Variants in MGST1 observed in about 807,000 individuals in gnomAD.
MGST1 encodes glutathione S-transferase 12.
A neutral mutation model predicts 8.9 loss-of-function variants in MGST1; 5 were observed. The ratio of observed to expected loss-of-function variants is 0.56; its 90% confidence interval spans 0.29 to 1.19. MGST1 has a LOEUF of 1.19. Among genes scored for constraint, MGST1 ranks in the 50% most tolerant of loss-of-function variants. The pLI, the probability that MGST1 is intolerant of heterozygous loss-of-function variation, is 0.08. For missense variants in MGST1, 182 were observed against 187.4 expected (o/e 0.97, Z 0.17); for synonymous variants, 54 against 67.8 (o/e 0.80, Z 1.00).
At chr12:16,423,067 C>A (rs1053515603) in intron 1 of MGST1, among the ~76,000 whole-genome samples, 3 of 152,198 alleles carry the variant, frequency 2.0e-5, no homozygotes, top group Admixed American at 6.5e-5. Context: ...GACTGCTGAG[C>A]TCTTTAAGCC....
Position 16,503,805 on chromosome 12 carries a change from T to G in MGST1, n.483-85723T>G, listed in dbSNP as rs1171985514. ...GAAGTTACCACCCTTTTTCTAGATA[T>G]TTCTGTGTAATTTCCTCCTTAATTT... On this transcript the variant is annotated intron_variant and non_coding_transcript_variant, in intron 4 of 4. Transcript: ENST00000538857. This position sits in a 1 kb window ranked among gnomAD's most constrained non-coding sequence, Gnocchi z 4.8. 1.3e-5 allele frequency among the ~76,000 whole-genome samples: 2 copies of G among 152,172 alleles called. No individual in the cohort carries two copies. Among genetic ancestry groups the G allele is most frequent in the Non-Finnish European group, 2.9e-5 (2 of 68,034 alleles).
intron 1 of MGST1, among the ~76,000 whole-genome samples, chr12:16,395,887 C>T (rs1289551005): frequency 6.6e-6 from 1 of 150,794 alleles, no homozygotes; most frequent in Non-Finnish European, 1.5e-5. Context: ...TATTTTTGGA[C>T]TTGAGAATTG....
At chr12:16,471,707 A>G (rs1264775672) in intron 4 of MGST1, among the ~76,000 whole-genome samples, 1 of 152,176 alleles carries the variant, frequency 6.6e-6, no homozygotes, top group Non-Finnish European at 1.5e-5. Context: ...TTTATACTAA[A>G]TTTACTATTG....
Position 16,450,839 on chromosome 12 carries a change from C to CATGT in MGST1, n.482+67235_482+67236insATGT, listed in dbSNP as rs978891087. Among the ~76,000 whole-genome samples the CATGT allele has an allele frequency of 1.8e-3, 273 of 147,990 alleles. 1 individual carries two copies. The highest frequency in any genetic ancestry group is 6.6e-3 in the African/African-American group (267 of 40,250). On this transcript the variant is annotated intron_variant and non_coding_transcript_variant, in intron 4 of 4. Transcript: ENST00000538857. Reference sequence around the variant, plus strand: ...GGATGGTTTTCAAATATATATATTCCGTGTGTGTGTGTGTGTGTGTGTGTG... The same window carrying CATGT: ...GGATGGTTTTCAAATATATATATTCCATGTGTGTGTGTGTGTGTGTGTGTGTGTG...
chr12:16,591,755 G>T (rs1294908075), downstream of MGST1, among the ~76,000 whole-genome samples: 1 of 152,052 alleles, frequency 6.6e-6, no homozygotes, highest in Non-Finnish European at 1.5e-5. The surrounding 1 kb of genome is among the most constrained non-coding windows in gnomAD (Gnocchi z 4.1). Flanking sequence ...TACAAGCTAA[G>T]TCTGTCTTGC....
At chr12:16,390,200 A>C (rs573232078) in intron 1 of MGST1, among the ~76,000 whole-genome samples, 1 of 147,710 alleles carries the variant, frequency 6.8e-6, no homozygotes, top group African/African-American at 2.5e-5. Context: ...ACCTCAGGGG[A>C]AAAAAAAAAA....
At chr12:16,376,252 C>A in exon 4 of MGST1, 2 of 613,836 alleles carry the variant, frequency 3.3e-6, no homozygotes, top group Non-Finnish European at 5.7e-6. Flanking sequence ...AAAAATTTAT[C>A]TTTTCAACAT....
At chr12:16,538,397 TC>T (rs1231818782) in intron 4 of MGST1, among the ~76,000 whole-genome samples, 1 of 152,132 alleles carries the variant, frequency 6.6e-6, no homozygotes, top group Non-Finnish European at 1.5e-5. Context: ...TCCAACTTCT[TC>T]CTGTTACCCA....
chr12:16,388,306 A>AT (rs148956697), intron 1 of MGST1, among the ~76,000 whole-genome samples: 4,737 of 152,196 alleles, frequency 0.031, 249 homozygotes, highest in African/African-American at 0.11. Flanking sequence ...TGTATAGGGC[A>AT]TTTATCACAA....
rs1348016512 is a variant in MGST1, at chr12:16,498,000, T to A, written n.483-91528T>A. 6.6e-6 allele frequency among the ~76,000 whole-genome samples: 1 copy of A among 152,132 alleles called. No individual in the cohort carries two copies. Among genetic ancestry groups the A allele is most frequent in the Non-Finnish European group, 1.5e-5 (1 of 68,008 alleles). ...ATAATATACATCTGCGAATGTCACA[T>A]TCCTTAAAGCAAAGTCATCACATAA... is the stretch of plus-strand genomic sequence containing the variant. On this transcript the variant is annotated intron_variant and non_coding_transcript_variant, in intron 4 of 4. Coordinates refer to the MGST1 transcript ENST00000538857. The surrounding 1 kb of genome is among the most constrained non-coding windows in gnomAD (Gnocchi z 4.4).
chr12:16,414,865 A>G (rs1254229619), intron 1 of MGST1, among the ~76,000 whole-genome samples: 1 of 152,128 alleles, frequency 6.6e-6, no homozygotes, highest in Non-Finnish European at 1.5e-5. Context: ...TCTACTAAAA[A>G]TACAAAAAAT....
At chr12:16,522,883 G>A (rs974473539) in intron 4 of MGST1, among the ~76,000 whole-genome samples, 5 of 151,990 alleles carry the variant, frequency 3.3e-5, no homozygotes, top group Admixed American at 6.6e-5. Flanking sequence ...TAATCAAGCT[G>A]TATCTCAAGA....
At chr12:16,499,311 C>T (rs1941489955) in intron 4 of MGST1, among the ~76,000 whole-genome samples, 1 of 152,168 alleles carries the variant, frequency 6.6e-6, no homozygotes, top group African/African-American at 2.4e-5. Flanking sequence ...CTTTCCTTAT[C>T]GTTTTCTCTA....
intron 1 of MGST1, among the ~76,000 whole-genome samples, chr12:16,398,063 G>GT (rs535355240): frequency 2.7e-5 from 4 of 146,790 alleles, no homozygotes; most frequent in South Asian, 2.2e-4. Flanking sequence ...TTCTTATAGA[G>GT]TTTTTTTTCC....
chr12:16,458,220 T>G lies in MGST1; in HGVS notation n.482+74616T>G, dbSNP rs1212070191. On this transcript the variant is annotated intron_variant and non_coding_transcript_variant, in intron 4 of 4. Transcript: ENST00000538857. This position sits in a 1 kb window ranked among gnomAD's most constrained non-coding sequence, Gnocchi z 4.0. The stretch of plus-strand genomic sequence containing the variant: ...GATCTTTAATTGTTCATCACCTGCC[T>G]CCAAAATAATATGAATGGACCCAAA... Among the ~76,000 whole-genome samples the G allele has an allele frequency of 6.6e-6, 1 of 151,960 alleles. No individual in the cohort carries two copies. The highest frequency in any genetic ancestry group is 6.6e-5 in the Admixed American group (1 of 15,216).
At chr12:16,526,899 T>C (rs1242941384) in intron 4 of MGST1, among the ~76,000 whole-genome samples, 1 of 151,956 alleles carries the variant, frequency 6.6e-6, no homozygotes, top group Non-Finnish European at 1.5e-5. Flanking sequence ...CATGTTTTAC[T>C]GTTGCTCCAA....
At chr12:16,545,754 C>T (rs978802885) in intron 4 of MGST1, among the ~76,000 whole-genome samples, 2 of 152,014 alleles carry the variant, frequency 1.3e-5, no homozygotes, top group African/African-American at 4.8e-5. Flanking sequence ...AGAAAGAGCT[C>T]CCAAACAGAT....
At chr12:16,549,825 A>G (rs1487449950) in intron 4 of MGST1, 2 of 152,058 alleles carry the variant, frequency 1.3e-5, no homozygotes, top group Admixed American at 1.3e-4. Flanking sequence ...TTAAATAATC[A>G]TTCTCCATAA....
intron 4 of MGST1, among the ~76,000 whole-genome samples, chr12:16,556,530 C>A (rs980460559): frequency 3.9e-5 from 6 of 152,184 alleles, no homozygotes; most frequent in Non-Finnish European, 7.3e-5. Flanking sequence ...GATGAAATGA[C>A]TGCTGAATAC....
Sources: allele counts gnomAD v4.1 joint callset (sites outside exome capture counted in the v4.1 genomes callset), GRCh38; gene constraint gnomAD v4.1.1; non-coding constraint Gnocchi (gnomAD v3.1); transcripts MANE v1.5; gene names NCBI Gene and HGNC (gene_info 2026-07-23, HGNC 2026-07-21).